EYS: variants seen among roughly 807,000 people sequenced by gnomAD.
EYS encodes protein eyes shut homolog.
In EYS, 250 loss-of-function variants were observed where a neutral mutation model predicts 282.1. The ratio of observed to expected loss-of-function variants is 0.89; its 90% CI spans 0.80 to 0.98. The LOEUF (loss-of-function observed/expected upper bound fraction) is 0.98, where lower values mean the gene tolerates loss of function less well. Ranked by LOEUF, EYS falls within the 50% of genes least tolerant of loss-of-function variation. EYS has a pLI of 0.00. For missense variants in EYS, 4,016 were observed against 3,709.0 expected (o/e 1.08, Z -2.15); for synonymous variants, 1,355 against 1,282.9 (o/e 1.06, Z -1.20).
At chr6:64,869,905 A>T (rs1236937851) in intron 19 of EYS, among the ~76,000 whole-genome samples, 2 of 151,522 alleles carry the variant, frequency 1.3e-5, no homozygotes, top group Admixed American at 1.3e-4. Flanking sequence ...GAAAGGTAAG[A>T]CTAGAAGTAA....
intron 41 of EYS, among the ~76,000 whole-genome samples, chr6:63,747,529 T>C (rs1769239829): frequency 6.6e-6 from 1 of 152,200 alleles, no homozygotes; most frequent in African/African-American, 2.4e-5. Context: ...TTGATCTGTC[T>C]AATATTGACA....
chr6:64,327,011 G>C (rs761990835), intron 29 of EYS, among the ~76,000 whole-genome samples: 2 of 152,112 alleles, frequency 1.3e-5, no homozygotes, highest in African/African-American at 4.8e-5. Flanking sequence ...GATGTGGATG[G>C]GGCCCACGAG....
At chr6:65,386,288 C>T (rs564903998) in intron 7 of EYS, among the ~76,000 whole-genome samples, 65 of 151,784 alleles carry the variant, frequency 4.3e-4, no homozygotes, top group African/African-American at 1.4e-3. Context: ...GACCCAAAGG[C>T]GGAGGACTAA....
chr6:65,001,055 C>G (rs1486018452), intron 13 of EYS, among the ~76,000 whole-genome samples: 4 of 152,180 alleles, frequency 2.6e-5, no homozygotes, highest in African/African-American at 9.7e-5. Context: ...GCTTTGGGCT[C>G]TGGACCTGTG....
At chr6:65,556,665 T>C (rs1197345905) in intron 2 of EYS, among the ~76,000 whole-genome samples, 1 of 152,154 alleles carries the variant, frequency 6.6e-6, no homozygotes, top group Admixed American at 6.5e-5. Context: ...GAAAAAAATA[T>C]TAGCAATATT....
intron 13 of EYS, among the ~76,000 whole-genome samples, chr6:65,056,079 C>T (rs1407338819): frequency 6.6e-6 from 1 of 151,984 alleles, no homozygotes; most frequent in Non-Finnish European, 1.5e-5. Flanking sequence ...TTCATTCAAC[C>T]ATACATTTCC....
At chr6:63,950,216 C>A (rs1188114367) in intron 35 of EYS, among the ~76,000 whole-genome samples, 14 of 150,364 alleles carry the variant, frequency 9.3e-5, no homozygotes, top group South Asian at 8.4e-4. Context: ...ACAAAAAAAA[C>A]AAAACCTGCT....
Position 64,626,216 on chromosome 6 carries a change from C to G in EYS, c.3473G>C (p.Cys1158Ser), listed in dbSNP as rs1346175770. The G allele has an allele frequency of 3.3e-6, 5 of 1,530,694 alleles. No individual in the cohort carries two copies. Among genetic ancestry groups the G allele is most frequent in the Non-Finnish European group, 2.6e-6 (3 of 1,140,766 alleles). The allele number at this position is 1,530,694 out of a possible 1,614,324, so 94.8% of individuals were successfully genotyped here. The part of the protein sequence containing the change: ...RCLPGFSGQF[C>S]EININECSSS... ...AGAGCATTCATTTATATTAATTTCA[C>G]AAAATTGACCAGAAAATCCAGGAAG... The change falls in exon 23 of 43, where the codon TGT (cysteine) becomes TCT (serine). Residue 1158 changes from cysteine to serine, a missense_variant. Cys to Ser is a moderately radical substitution (Grantham distance 112). Transcript: ENST00000503581.
At chr6:65,426,054 C>T (rs960937790) in intron 5 of EYS, among the ~76,000 whole-genome samples, 1 of 152,046 alleles carries the variant, frequency 6.6e-6, no homozygotes, top group Admixed American at 6.6e-5. Context: ...TAGCCCACTG[C>T]AGCCTCAAAC....
intron 19 of EYS, among the ~76,000 whole-genome samples, chr6:64,843,695 C>T (rs9360091): frequency 0.092 from 14,017 of 152,072 alleles, 848 homozygotes; most frequent in East Asian, 0.32. Flanking sequence ...AAGGGACTTG[C>T]CTTGTTTCAG....
chr6:64,422,206 T>C (rs1450168537), intron 28 of EYS, among the ~76,000 whole-genome samples: 3 of 151,900 alleles, frequency 2.0e-5, no homozygotes, highest in African/African-American at 7.3e-5. Context: ...AATAAAGACA[T>C]TTAAAGGGTG....
chr6:65,188,786 TGAAG>T (rs1166133298), intron 12 of EYS, among the ~76,000 whole-genome samples: 1 of 109,126 alleles, frequency 9.2e-6, no homozygotes, highest in Admixed American at 9.2e-5. Flanking sequence ...AAAAAAAAGA[TGAAG>T]GAAGAGGGCC....
intron 10 of EYS, 89 bp downstream of exon 10, chr6:65,343,949 C>A: frequency 8.8e-7 from 1 of 1,135,268 alleles, no homozygotes; most frequent in Non-Finnish European, 1.3e-6. Flanking sequence ...ATTTAAGAAT[C>A]TGTAACCTAA....
At chr6:65,702,142 G>A (rs1447778490) in intron 1 of EYS, among the ~76,000 whole-genome samples, 12 of 152,180 alleles carry the variant, frequency 7.9e-5, no homozygotes, top group Non-Finnish European at 1.3e-4. Context: ...TTTCTTCCGT[G>A]TTTTGGAGAG....
intron 2 of EYS, among the ~76,000 whole-genome samples, chr6:65,548,217 A>G (rs1368338695): frequency 1.5e-5 from 1 of 65,474 alleles, no homozygotes; most frequent in Non-Finnish European, 2.6e-5. Context: ...TGCAGAATTT[A>G]TTGATAAAGA....
intron 33 of EYS, among the ~76,000 whole-genome samples, chr6:64,044,719 T>G (rs1408107773): frequency 1.3e-5 from 2 of 152,198 alleles, no homozygotes; most frequent in Non-Finnish European, 2.9e-5. Context: ...TATAGAATAT[T>G]TTGAGTGATT....
At chr6:64,898,390 G>A (rs1767544251) in intron 18 of EYS, among the ~76,000 whole-genome samples, 1 of 152,014 alleles carries the variant, frequency 6.6e-6, no homozygotes, top group African/African-American at 2.4e-5. Context: ...ATCCATTACA[G>A]CCAAGAAAAT....
At chr6:64,936,167 T>C (rs1768899305) in intron 15 of EYS, among the ~76,000 whole-genome samples, 1 of 151,524 alleles carries the variant, frequency 6.6e-6, no homozygotes, top group Non-Finnish European at 1.5e-5. Flanking sequence ...CAATATACAA[T>C]ATTAATAGAA....
rs1170539000 is a variant in EYS, at chr6:63,721,109, C to T, written c.8922G>A (p.Met2974Ile). 6.4e-7 allele frequency: 1 copy of T among 1,551,412 alleles called. No individual in the cohort carries two copies. The highest frequency in any genetic ancestry group is 1.2e-5 in the South Asian group (1 of 84,048). Reference sequence around the variant, plus strand: ...ATATAGTAGTGAACTGGAGGTTTCTCATTCTATAATTTGGATCAATGTATT... The same window carrying T: ...ATATAGTAGTGAACTGGAGGTTTCTTATTCTATAATTTGGATCAATGTATT... The part of the protein sequence containing the change: ...YIKYIDPNYR[M>I]RNLQFTTISL... The change falls in exon 43 of 43, where the codon ATG becomes ATA. Residue 2974 changes from methionine to isoleucine, a missense_variant. Met to Ile is a conservative substitution (Grantham distance 10). Coordinates refer to ENST00000503581, the MANE Select transcript of EYS (RefSeq NM_001142800.2).
Sources: allele counts gnomAD v4.1 joint callset (sites outside exome capture counted in the v4.1 genomes callset), GRCh38; gene constraint gnomAD v4.1.1; transcripts MANE v1.5; gene names NCBI Gene and HGNC (gene_info 2026-07-23, HGNC 2026-07-21).